Variants in FGF13 observed in about 807,000 individuals in gnomAD.
FGF13 encodes fibroblast growth factor 13.
A neutral mutation model predicts 19.5 loss-of-function variants in FGF13; 2 were observed. The ratio of observed to expected loss-of-function variants is 0.10; its 90% CI spans 0.04 to 0.32. The LOEUF is 0.32. Ranked by LOEUF, FGF13 falls within the 10% of genes least tolerant of loss-of-function variation. The probability of loss-of-function intolerance (pLI) is 1.00; values close to 1 mark genes in which losing one functional copy is unlikely to be tolerated. For synonymous variants in FGF13, 72 were observed against 76.9 expected, an observed-to-expected ratio of 0.94 and a Z score of 0.33; for missense variants, 113 against 192.7, an observed-to-expected ratio of 0.59 and a Z score of 2.45.
At chrX:139,141,997 C>T (rs1164052543) in intron 1 of FGF13, among the ~76,000 whole-genome samples, 2 of 111,728 alleles carry the variant, frequency 1.8e-5, no homozygotes, top group Non-Finnish European at 3.8e-5. Flanking sequence ...AAAAGAGAAC[C>T]TTGGAGCTCA....
chrX:139,145,334 G>C (rs1302190290), intron 1 of FGF13, among the ~76,000 whole-genome samples: 11 of 111,659 alleles, frequency 9.9e-5, no homozygotes, highest in Admixed American at 9.5e-4. Flanking sequence ...GTATACTTTT[G>C]AGAGTGATGG....
chrX:139,050,785 AG>A, intron 1 of FGF13, among the ~76,000 whole-genome samples: 1 of 112,445 alleles, frequency 8.9e-6, no homozygotes, highest in East Asian at 2.8e-4. Context: ...AGCCATTTTT[AG>A]TCATAGTTAA....
In FGF13 at chrX:139,077,412, A is replaced by G. The variant is rs755737232; in HGVS notation, c.-113+126004T>C. On this transcript the variant is annotated intron_variant, in intron 1 of 2. Transcript: ENST00000421460. Reference sequence around the variant, plus strand: ...TCACAGGGAATTTTTGTTATACTCTATTTGCAATACTGTGCCACTTTATTA... The same window carrying G: ...TCACAGGGAATTTTTGTTATACTCTGTTTGCAATACTGTGCCACTTTATTA... Among the ~76,000 whole-genome samples, 302 of 111,679 alleles carry G rather than the reference A, an allele frequency of 2.7e-3. 2 individuals are homozygous for G. Among genetic ancestry groups the G allele is most frequent in the Non-Finnish European group, 4.4e-3 (233 of 53,125 alleles).
intron 3 of FGF13, among the ~76,000 whole-genome samples, chrX:138,765,962 C>T (rs959309911): frequency 3.6e-5 from 4 of 111,327 alleles, no homozygotes; most frequent in Admixed American, 9.6e-5. Flanking sequence ...TCTGCTCTCT[C>T]GCCCATCTTA....
At chrX:139,114,963 G>T (rs2083628617) in intron 1 of FGF13, among the ~76,000 whole-genome samples, 1 of 111,897 alleles carries the variant, frequency 8.9e-6, no homozygotes, top group African/African-American at 3.2e-5. Context: ...TAAGATAAAA[G>T]TGTATGTATT....
intron 1 of FGF13, among the ~76,000 whole-genome samples, chrX:139,116,000 G>A (rs770297863): frequency 8.9e-6 from 1 of 112,368 alleles, no homozygotes; most frequent in South Asian, 3.7e-4. Context: ...TTAGCTCAAT[G>A]AGTAAATACA....
intron 1 of FGF13, among the ~76,000 whole-genome samples, chrX:138,947,098 C>G (rs616473): frequency 0.11 from 12,569 of 111,222 alleles, 858 homozygotes; most frequent in African/African-American, 0.25. Flanking sequence ...TATAATTAAT[C>G]ACTTTGCTGT....
chrX:139,177,503 T>A (rs1251434282), intron 1 of FGF13, among the ~76,000 whole-genome samples: 2 of 111,573 alleles, frequency 1.8e-5, no homozygotes, highest in Non-Finnish European at 3.8e-5. Flanking sequence ...GTTGATGCAG[T>A]TTCAGCACAG....
intron 1 of FGF13, among the ~76,000 whole-genome samples, chrX:139,119,837 T>A (rs1273242294): frequency 8.9e-6 from 1 of 112,589 alleles, no homozygotes; most frequent in Non-Finnish European, 1.9e-5. Context: ...ATCATCATCA[T>A]CCCCATTTTA....
intron 1 of FGF13, among the ~76,000 whole-genome samples, chrX:138,887,193 T>C (rs1322008761): frequency 8.9e-6 from 1 of 111,824 alleles, no homozygotes; most frequent in African/African-American, 3.3e-5. Flanking sequence ...AGTACAAGTA[T>C]TTACCTCACT....
At chrX:138,965,787 C>T (rs7065653) in intron 1 of FGF13, among the ~76,000 whole-genome samples, 2,276 of 112,263 alleles carry the variant, frequency 0.02, 64 homozygotes, top group African/African-American at 0.07. Flanking sequence ...ACAGGCCAAA[C>T]ACCCATGATG....
At chrX:138,732,088 T>C (rs1050925841) in intron 1 of FGF13, among the ~76,000 whole-genome samples, 3 of 111,459 alleles carry the variant, frequency 2.7e-5, no homozygotes, top group African/African-American at 9.7e-5. Context: ...TTGACAACCC[T>C]AAAAGCTGAT....
At chrX:138,959,644 G>C (rs1419864159) in intron 1 of FGF13, among the ~76,000 whole-genome samples, 2 of 111,343 alleles carry the variant, frequency 1.8e-5, no homozygotes, top group Non-Finnish European at 3.8e-5. Context: ...CATTATTATT[G>C]TGTGGGAGTC....
chrX:139,187,978 C>G (rs2084294988), intron 1 of FGF13, among the ~76,000 whole-genome samples: 1 of 112,054 alleles, frequency 8.9e-6, no homozygotes, highest in African/African-American at 3.2e-5. Context: ...CTTTCCAGGA[C>G]ACTCTTATTC....
chrX:138,851,685 C>G (rs1045345116), intron 3 of FGF13, among the ~76,000 whole-genome samples: 5 of 111,917 alleles, frequency 4.5e-5, no homozygotes, highest in Non-Finnish European at 9.4e-5. Context: ...TCTCACCACT[C>G]CTATTCAACA....
intron 1 of FGF13, among the ~76,000 whole-genome samples, chrX:139,028,673 G>C (rs1372631612): frequency 1.3e-5 from 1 of 78,005 alleles, no homozygotes; most frequent in African/African-American, 4.9e-5. Flanking sequence ...GAAAGAGAGA[G>C]TGTGTGTGAA....
chrX:138,787,520 C>T (rs1327051091), intron 3 of FGF13, among the ~76,000 whole-genome samples: 1 of 112,050 alleles, frequency 8.9e-6, no homozygotes, highest in Admixed American at 9.5e-5. Context: ...CCAGTTAGTT[C>T]TCTGGCTTCT....
At chrX:138,887,985 C>T (rs2091459186) in intron 1 of FGF13, among the ~76,000 whole-genome samples, 1 of 112,129 alleles carries the variant, frequency 8.9e-6, no homozygotes, top group South Asian at 3.7e-4. Context: ...AGAGCTTCTC[C>T]TGCCGTTATA....
chrX:138,664,369 T>C lies in FGF13; in HGVS notation c.403-28714A>G, dbSNP rs752583470. Reference sequence around the variant, plus strand: ...AAAAGCTCAAAGTTACTTCAAATTATTAGTCAGGTCGGAAATGTTATATTC... The same window carrying C: ...AAAAGCTCAAAGTTACTTCAAATTACTAGTCAGGTCGGAAATGTTATATTC... On this transcript the variant is annotated intron_variant, in intron 3 of 4. Transcript: ENST00000315930. 2.1e-4 allele frequency among the ~76,000 whole-genome samples: 24 copies of C among 111,739 alleles called. 1 individual carries two copies. In the Middle Eastern group the frequency reaches 0.014, roughly 64 times the overall value.
Sources: gnomAD v4.1 joint callset for allele counts (sites outside exome capture counted in the v4.1 genomes callset) on GRCh38, gnomAD v4.1.1 for gene constraint, MANE v1.5 for transcripts, NCBI Gene and HGNC (gene_info 2026-07-23, HGNC 2026-07-21) for gene names.